PTH2R: variants seen among roughly 807,000 people sequenced by gnomAD.
PTH2R encodes parathyroid hormone 2 receptor.
Under a neutral mutation model 60.3 loss-of-function variants are expected in PTH2R, and 59 were observed. That is an observed-to-expected ratio of 0.98 (90% CI 0.79 to 1.22). The LOEUF is 1.22. Ranked by LOEUF, PTH2R falls within the 50% of genes most tolerant of loss-of-function variation. The pLI is 0.00. For synonymous variants in PTH2R, 256 were observed against 243.8 expected (o/e 1.05, Z -0.47); for missense variants, 749 against 682.6 (o/e 1.10, Z -1.08).
intron 1 of PTH2R, among the ~76,000 whole-genome samples, chr2:208,397,202 G>A (rs770068720): frequency 2.0e-5 from 3 of 152,002 alleles, no homozygotes; most frequent in Non-Finnish European, 4.4e-5. Flanking sequence ...AATACCTAAT[G>A]TAAATCATGA....
intron 1 of PTH2R, among the ~76,000 whole-genome samples, chr2:208,360,450 C>A (rs369953594): frequency 2.0e-5 from 3 of 152,272 alleles, no homozygotes; most frequent in East Asian, 3.9e-4. Context: ...ATGCCTGGGG[C>A]GCAGAACCGC....
chr2:208,449,348 A>G (rs1238669819), intron 7 of PTH2R, among the ~76,000 whole-genome samples: 1 of 152,184 alleles, frequency 6.6e-6, no homozygotes, highest in Non-Finnish European at 1.5e-5. Flanking sequence ...GTTTTAGAAA[A>G]CAGGGATATT....
intron 7 of PTH2R, among the ~76,000 whole-genome samples, chr2:208,448,884 T>C (rs1168342760): frequency 6.6e-6 from 1 of 152,032 alleles, no homozygotes; most frequent in Non-Finnish European, 1.5e-5. Context: ...GCTAGTCTTA[T>C]GCATAAGATT....
chr2:208,381,888 C>G (rs1459832382), intron 1 of PTH2R, among the ~76,000 whole-genome samples: 1 of 152,094 alleles, frequency 6.6e-6, no homozygotes, highest in African/African-American at 2.4e-5. Flanking sequence ...TAAAGGGAAT[C>G]ATATCTGCAC....
intron 10 of PTH2R, among the ~76,000 whole-genome samples, chr2:208,482,326 G>A (rs1703172952): frequency 1.3e-5 from 2 of 152,174 alleles, no homozygotes; most frequent in Non-Finnish European, 2.9e-5. Context: ...AGTGAAAGCT[G>A]GGTCCAGGGG....
chr2:208,408,970 G>T (rs1045291298), intron 1 of PTH2R, among the ~76,000 whole-genome samples: 2 of 151,872 alleles, frequency 1.3e-5, no homozygotes, highest in African/African-American at 2.4e-5. Flanking sequence ...AGTATTTAGC[G>T]CCACCCTGTC....
chr2:208,409,030 C>A (rs1701485944), intron 1 of PTH2R, among the ~76,000 whole-genome samples: 1 of 152,086 alleles, frequency 6.6e-6, no homozygotes, highest in Non-Finnish European at 1.5e-5. Context: ...ACTGAGACAA[C>A]CAAAAATGTC....
At chr2:208,463,920 A>T (rs1335680789) in intron 9 of PTH2R, among the ~76,000 whole-genome samples, 1 of 152,214 alleles carries the variant, frequency 6.6e-6, no homozygotes, top group Non-Finnish European at 1.5e-5. Context: ...TGATTACAGA[A>T]TGTCCACTCT....
intron 9 of PTH2R, among the ~76,000 whole-genome samples, chr2:208,460,678 C>T (rs912655670): frequency 2.6e-5 from 4 of 152,132 alleles, no homozygotes; most frequent in Non-Finnish European, 5.9e-5. Context: ...AAAATGTTTA[C>T]TCTTGATCTT....
rs529288735 is a variant in PTH2R at position 208,390,561 on chromosome 2, G to A, written c.-259+30324G>A. On this transcript the variant is annotated intron_variant, in intron 1 of 12. Coordinates refer to the PTH2R transcript ENST00000617735. Reference sequence around the variant, plus strand: ...AAGGGTGTGATGTATTACTAAGTCCGATAAAAAGTCCTAATAGACTTAGTG... The same window carrying A: ...AAGGGTGTGATGTATTACTAAGTCCAATAAAAAGTCCTAATAGACTTAGTG... Among the ~76,000 whole-genome samples, 12 of 152,284 alleles carry A rather than the reference G, an allele frequency of 7.9e-5. No individual in the cohort carries two copies. The South Asian group carries it at 2.1e-3, about 26-fold the overall frequency.
At chr2:208,472,045 G>C (rs915528157) in intron 9 of PTH2R, among the ~76,000 whole-genome samples, 7 of 152,198 alleles carry the variant, frequency 4.6e-5, no homozygotes, top group African/African-American at 1.7e-4. Context: ...TATCCCATTT[G>C]GAATGGCTGT....
intron 7 of PTH2R, among the ~76,000 whole-genome samples, chr2:208,445,462 C>T (rs1001569): frequency 0.21 from 31,848 of 151,976 alleles, 3,459 homozygotes; most frequent in South Asian, 0.26. Flanking sequence ...AATGATTTAG[C>T]AGTACAAGGG....
intron 1 of PTH2R, among the ~76,000 whole-genome samples, chr2:208,384,072 T>G (rs1000140484): frequency 1.3e-5 from 2 of 152,198 alleles, no homozygotes; most frequent in African/African-American, 4.8e-5. Context: ...AAGATGTCCA[T>G]GTGAAAAACT....
chr2:208,448,513 AG>A (rs1325412661), intron 7 of PTH2R, among the ~76,000 whole-genome samples: 2 of 151,440 alleles, frequency 1.3e-5, no homozygotes, highest in South Asian at 4.2e-4. Context: ...GTGCGCCTGC[AG>A]TCCCAGCTGC....
intron 1 of PTH2R, among the ~76,000 whole-genome samples, chr2:208,392,768 A>G (rs1701129589): frequency 6.6e-6 from 1 of 152,176 alleles, no homozygotes; most frequent in South Asian, 2.1e-4. Context: ...TCCAGTACCC[A>G]GAAGATCTAC....
intron 1 of PTH2R, among the ~76,000 whole-genome samples, chr2:208,426,598 G>T (rs1701861955): frequency 6.6e-6 from 1 of 152,210 alleles, no homozygotes; most frequent in African/African-American, 2.4e-5. Context: ...GGGAGGTAAT[G>T]AGATCATGGG....
chr2:208,478,762 A>G (rs1243052869), intron 9 of PTH2R, among the ~76,000 whole-genome samples: 1 of 152,172 alleles, frequency 6.6e-6, no homozygotes, highest in Non-Finnish European at 1.5e-5. Context: ...TTAAGGGTGT[A>G]CAGTGTGGAT....
intron 1 of PTH2R, among the ~76,000 whole-genome samples, chr2:208,388,709 G>A (rs1701053897): frequency 6.6e-6 from 1 of 152,148 alleles, no homozygotes; most frequent in Non-Finnish European, 1.5e-5. Flanking sequence ...GTGGAACTGG[G>A]GAAATAAATA....
chr2:208,474,029 G>A (rs1303871316), intron 9 of PTH2R, among the ~76,000 whole-genome samples: 1 of 152,086 alleles, frequency 6.6e-6, no homozygotes. Flanking sequence ...AGCAGAGGAG[G>A]TGCAACTCAT....
Sources: gnomAD v4.1 joint callset for allele counts (sites outside exome capture counted in the v4.1 genomes callset) on GRCh38, gnomAD v4.1.1 for gene constraint, MANE v1.5 for transcripts, NCBI Gene and HGNC (gene_info 2026-07-23, HGNC 2026-07-21) for gene names.